Variants in SIDT1 observed in about 807,000 individuals in gnomAD.
The protein encoded by SIDT1 is SID1 transmembrane family, member 1.
A neutral mutation model predicts 107.5 loss-of-function variants in SIDT1; 101 were observed. That is an observed-to-expected ratio of 0.94 (90% CI 0.80 to 1.11). The LOEUF (loss-of-function observed/expected upper bound fraction) is 1.11. Ranked by LOEUF, SIDT1 falls within the 50% of genes least tolerant of loss-of-function variation. The pLI is 0.00. For missense variants in SIDT1, 1,076 were observed against 1,058.2 expected (o/e 1.02, Z -0.23); for synonymous variants, 395 against 398.2 (o/e 0.99, Z 0.10).
intron 3 of SIDT1, among the ~76,000 whole-genome samples, chr3:113,569,257 G>T (rs1418224048): frequency 6.6e-6 from 1 of 152,056 alleles, no homozygotes; most frequent in Non-Finnish European, 1.5e-5. Flanking sequence ...CAGAATAGTG[G>T]TACCTTTGGG....
intron 14 of SIDT1, among the ~76,000 whole-genome samples, chr3:113,606,020 AAAAAAAAG>A (rs1945303802): frequency 9.9e-6 from 1 of 101,466 alleles, no homozygotes; most frequent in Non-Finnish European, 2.2e-5. Flanking sequence ...CAAAAAAAGG[AAAAAAAAG>A]AAAAAAAAAA....
intron 4 of SIDT1, among the ~76,000 whole-genome samples, chr3:113,577,724 A>T (rs1421132540): frequency 6.6e-6 from 1 of 152,232 alleles, no homozygotes; most frequent in African/African-American, 2.4e-5. Flanking sequence ...AGTCCATAAT[A>T]TAGCTTTGGT....
At chr3:113,566,159 TA>T in intron 1 of SIDT1, among the ~76,000 whole-genome samples, 1 of 152,302 alleles carries the variant, frequency 6.6e-6, no homozygotes, top group African/African-American at 2.4e-5. Context: ...GGCATCATTT[TA>T]AAAAATTCTC....
chr3:113,532,852 TCGGCCCTTCGTCAG>T lies in SIDT1; in HGVS notation c.-168_-155del. The stretch of plus-strand genomic sequence containing the variant: ...CCCAGGCGGCAGCATCAGTATTTGA[TCGGCCCTTCGTCAG>T]CACGCTGCCAGCCCTGGCCGGCTGG... On this transcript the variant is annotated 5_prime_UTR_variant, in exon 1 of 25. The change abolishes the stop of an existing upstream ORF in the 5' untranslated region. Transcript: ENST00000264852. 2.3e-6 allele frequency: 1 copy of T among 436,650 alleles called. No individual in the cohort carries two copies. The highest frequency in any genetic ancestry group is 7.0e-5 in the South Asian group (1 of 14,318). 27.0% of individuals were successfully genotyped at this position (436,650 alleles called of 1,614,324 possible).
At chr3:113,539,232 C>T (rs981235190) in intron 1 of SIDT1, among the ~76,000 whole-genome samples, 6 of 152,160 alleles carry the variant, frequency 3.9e-5, no homozygotes, top group Non-Finnish European at 8.8e-5. Flanking sequence ...TGCATTTAAA[C>T]ATATCTGATA....
chr3:113,579,727 T>C (rs1218265843), intron 4 of SIDT1, among the ~76,000 whole-genome samples: 2 of 152,248 alleles, frequency 1.3e-5, no homozygotes, highest in Non-Finnish European at 2.9e-5. Flanking sequence ...CTGTACATGA[T>C]AGATTTATTA....
At chr3:113,584,876 T>G in intron 8 of SIDT1, 107 bp downstream of exon 8, 1 of 835,124 alleles carries the variant, frequency 1.2e-6, no homozygotes, top group Admixed American at 2.6e-5. Flanking sequence ...ATAAGAAAAC[T>G]AAAGTATATT....
At chr3:113,607,851 T>A (rs1576940553) in intron 15 of SIDT1, among the ~76,000 whole-genome samples, 1 of 151,866 alleles carries the variant, frequency 6.6e-6, no homozygotes, top group African/African-American at 2.4e-5. Flanking sequence ...GATGGGAGGG[T>A]GTTAGGAAGC....
At chr3:113,608,674 C>T (rs761800113) in intron 17 of SIDT1, 138 bp downstream of exon 17, 1 of 690,448 alleles carries the variant, frequency 1.4e-6, no homozygotes, top group Non-Finnish European at 2.6e-6. Context: ...AGGACCTCCA[C>T]ACAGAGCATG....
chr3:113,593,187 G>T, intron 10 of SIDT1, 139 bp downstream of exon 10: 1 of 787,532 alleles, frequency 1.3e-6, no homozygotes, highest in South Asian at 1.4e-5. Context: ...AGTCTAGCCT[G>T]CAGTTGGAAA....
chr3:113,549,500 T>C (rs35809878), intron 1 of SIDT1, among the ~76,000 whole-genome samples: 13,339 of 152,226 alleles, frequency 0.088, 824 homozygotes, highest in Middle Eastern at 0.24. Context: ...TTCCCTTTAA[T>C]TGCAAAACCC....
At chr3:113,574,410 C>T (rs866544798) in intron 3 of SIDT1, among the ~76,000 whole-genome samples, 8 of 152,222 alleles carry the variant, frequency 5.3e-5, no homozygotes, top group African/African-American at 1.4e-4. Context: ...ATATCATTTC[C>T]TTCAACAAAC....
In SIDT1 at chr3:113,628,941, ACT is replaced by A. The variant is rs1322556615; in HGVS notation, c.*1237_*1238del. On this transcript the variant is annotated 3_prime_UTR_variant, in exon 25 of 25. Transcript: ENST00000264852. The stretch of plus-strand genomic sequence containing the variant: ...TTGGCAAGCTCAGCATCTGGGTTCC[ACT>A]CTCACACTGTCTGGCAGCTCTGTGT... The A allele has an allele frequency of 6.6e-6, 1 of 151,870 alleles. No individual in the cohort carries two copies. The highest frequency in any genetic ancestry group is 2.4e-5 in the African/African-American group (1 of 41,292). 9.4% of individuals were successfully genotyped at this position (151,870 alleles called of 1,614,324 possible). A position where few individuals can be genotyped will look rare whatever the true frequency, so the allele number is the denominator to read the frequency against.
At chr3:113,558,956 G>A (rs999305798) in intron 1 of SIDT1, among the ~76,000 whole-genome samples, 10 of 152,098 alleles carry the variant, frequency 6.6e-5, no homozygotes, top group Non-Finnish European at 2.9e-5. Context: ...GTTTCCTTCA[G>A]CAACCTGCTC....
downstream of SIDT1, among the ~76,000 whole-genome samples, chr3:113,629,887 C>T (rs1480800814): frequency 6.6e-6 from 1 of 152,212 alleles, no homozygotes; most frequent in Non-Finnish European, 1.5e-5. Context: ...AAAATCCAGA[C>T]CAAGCTTGTT....
intron 10 of SIDT1, among the ~76,000 whole-genome samples, chr3:113,598,892 CAA>C (rs1243946434): frequency 6.6e-6 from 1 of 152,192 alleles, no homozygotes; most frequent in Non-Finnish European, 1.5e-5. Flanking sequence ...TTTGGGAGGC[CAA>C]GACTGGAGGA....
intron 19 of SIDT1, chr3:113,612,491 G>T: frequency 2.0e-6 from 1 of 491,104 alleles, no homozygotes; most frequent in South Asian, 1.6e-5. Context: ...GCCAAACTTT[G>T]ACTTGTATTA....
intron 1 of SIDT1, among the ~76,000 whole-genome samples, chr3:113,558,129 T>G (rs1941074338): frequency 6.6e-6 from 1 of 152,174 alleles, no homozygotes; most frequent in African/African-American, 2.4e-5. Context: ...GCAATGAGAA[T>G]ATGTTTTGGG....
At chr3:113,543,523 C>G (rs183110575) in intron 1 of SIDT1, among the ~76,000 whole-genome samples, 1 of 152,128 alleles carries the variant, frequency 6.6e-6, no homozygotes, top group Non-Finnish European at 1.5e-5. Flanking sequence ...AACTTGCTCC[C>G]ACCCACTCAT....
Sources: allele counts gnomAD v4.1 joint callset (sites outside exome capture counted in the v4.1 genomes callset), GRCh38; gene constraint gnomAD v4.1.1; transcripts MANE v1.5; gene names NCBI Gene and HGNC (gene_info 2026-07-23, HGNC 2026-07-21).